Variants in CC2D2A observed in about 807,000 individuals in gnomAD.
CC2D2A encodes the protein coiled-coil and C2 domain-containing protein 2A.
Under a neutral mutation model 212.9 loss-of-function variants are expected in CC2D2A, and 155 were observed. The observed-to-expected ratio is 0.73, with a 90% confidence interval of 0.64 to 0.83. The LOEUF is 0.83. Ranked by LOEUF, CC2D2A falls within the 40% of genes least tolerant of loss-of-function variation. CC2D2A has a pLI of 0.00. For missense variants in CC2D2A, 1,856 were observed against 1,956.2 expected (o/e 0.95, Z 0.97); for synonymous variants, 667 against 686.5 (o/e 0.97, Z 0.44).
chr4:15,554,570 G>A (rs568834331), intron 19 of CC2D2A, among the ~76,000 whole-genome samples: 6 of 152,230 alleles, frequency 3.9e-5, no homozygotes, highest in Non-Finnish European at 8.8e-5. Flanking sequence ...CAGCTACTTG[G>A]GTGGCTCAGG....
intron 16 of CC2D2A, among the ~76,000 whole-genome samples, chr4:15,540,133 C>A (rs867823897): frequency 4.6e-5 from 7 of 152,040 alleles, no homozygotes; most frequent in Admixed American, 1.3e-4. Context: ...CCACCCCTCC[C>A]CCAAAAAAAA....
At chr4:15,483,829 TAA>T (rs1201224943) in intron 4 of CC2D2A, among the ~76,000 whole-genome samples, 1 of 152,190 alleles carries the variant, frequency 6.6e-6, no homozygotes, top group East Asian at 1.9e-4. Flanking sequence ...GTTCCCACTT[TAA>T]GAGAGTTCTC....
chr4:15,504,871 G>T (rs373439220), intron 6 of CC2D2A, among the ~76,000 whole-genome samples: 15 of 152,194 alleles, frequency 9.9e-5, no homozygotes, highest in African/African-American at 3.4e-4. Context: ...CTAAAAAATC[G>T]TTCAATATAC....
intron 4 of CC2D2A, among the ~76,000 whole-genome samples, chr4:15,489,276 G>T (rs1360190991): frequency 6.6e-6 from 1 of 152,126 alleles, no homozygotes; most frequent in Non-Finnish European, 1.5e-5. Flanking sequence ...GGGGTGGGAG[G>T]GGAATGTTAT....
intron 16 of CC2D2A, 116 bp from the exon 17 acceptor site, chr4:15,540,721 T>G: frequency 2.2e-6 from 2 of 907,364 alleles, no homozygotes; most frequent in Non-Finnish European, 1.7e-6. Context: ...AGGGCTGACA[T>G]GATTGGGAGA....
intron 17 of CC2D2A, among the ~76,000 whole-genome samples, chr4:15,542,653 A>G (rs1560174133): frequency 2.6e-5 from 4 of 152,168 alleles, no homozygotes; most frequent in Admixed American, 1.3e-4. Context: ...TGACTGATAA[A>G]TAGCTGCTGC....
At chr4:15,472,477 C>T (rs753211212) in intron 1 of CC2D2A, among the ~76,000 whole-genome samples, 6 of 151,950 alleles carry the variant, frequency 3.9e-5, no homozygotes, top group East Asian at 3.9e-4. Flanking sequence ...AAATAAATTT[C>T]GGTGTCATTT....
In CC2D2A at chr4:15,589,551, A is replaced by G. The variant is rs759303901; in HGVS notation, c.4186A>G (p.Thr1396Ala). The G allele has an allele frequency of 2.0e-5, 32 of 1,611,894 alleles. No individual in the cohort carries two copies. The East Asian group carries it at 3.1e-4, about 16-fold the overall frequency. The change falls in exon 33 of 37, where the codon ACT becomes GCT. Residue 1396 changes from threonine to alanine, a missense_variant. This residue lies in a region of CC2D2A where 285 missense variants were observed against 278.4 expected (regional missense o/e 1.02). Coordinates refer to ENST00000424120, the MANE Select transcript of CC2D2A (RefSeq NM_001378615.1). ...AATGGCCATCTTCTTTCAGGGTCCA[A>G]CTGCCTATGTGCTAACTTGGGAGCA... ...LMGNAIPEGP[T>A]AYVLTWEQGR... is the part of the protein sequence containing the mutation.
chr4:15,500,099 G>GTATATA (rs71179633), intron 4 of CC2D2A, among the ~76,000 whole-genome samples: 1,614 of 68,762 alleles, frequency 0.023, 18 homozygotes, highest in Non-Finnish European at 0.04. Context: ...GTGTGTGTGT[G>GTATATA]TGTGTGTGTA....
chr4:15,547,136 T>C (rs1718753630), intron 17 of CC2D2A, among the ~76,000 whole-genome samples: 1 of 152,232 alleles, frequency 6.6e-6, no homozygotes, highest in African/African-American at 2.4e-5. Flanking sequence ...TTGTGATTCT[T>C]TTCTTTTGTA....
chr4:15,596,503 A>C (rs1490271852), intron 34 of CC2D2A, among the ~76,000 whole-genome samples: 1 of 152,186 alleles, frequency 6.6e-6, no homozygotes, highest in Non-Finnish European at 1.5e-5. Flanking sequence ...CAATTCACTA[A>C]ATAGATTTCA....
chr4:15,478,590 A>C, intron 2 of CC2D2A, 133 bp from the exon 3 acceptor site: 1 of 652,720 alleles, frequency 1.5e-6, no homozygotes, highest in Non-Finnish European at 2.7e-6. Flanking sequence ...ACAGATTGTT[A>C]ACTGTCCCCC....
chr4:15,593,257 T>G (rs1275879642), intron 33 of CC2D2A, among the ~76,000 whole-genome samples: 1 of 152,214 alleles, frequency 6.6e-6, no homozygotes. Flanking sequence ...GAACATTCCC[T>G]ACTCTATAGC....
chr4:15,502,387 CTTTTT>C (rs772212632), intron 4 of CC2D2A, 37 bp from the exon 5 acceptor site: 5 of 1,259,616 alleles, frequency 4.0e-6, no homozygotes, highest in African/African-American at 1.6e-5. Context: ...TTTTCTTTTT[CTTTTT>C]TTTTTATTTT....
chr4:15,506,377 A>G (rs1439852986), intron 6 of CC2D2A, among the ~76,000 whole-genome samples: 1 of 152,202 alleles, frequency 6.6e-6, no homozygotes, highest in Non-Finnish European at 1.5e-5. Context: ...ATCTGAGCAT[A>G]TTTTCTATAC....
At chr4:15,510,023 G>C (rs1295615376) in intron 6 of CC2D2A, 116 bp from the exon 7 acceptor site, 7 of 749,236 alleles carry the variant, frequency 9.3e-6, no homozygotes, top group African/African-American at 1.8e-5. Flanking sequence ...GGAATGATAA[G>C]ATGCAGCAGC....
At chr4:15,497,119 A>G (rs1715662397) in intron 4 of CC2D2A, among the ~76,000 whole-genome samples, 1 of 152,242 alleles carries the variant, frequency 6.6e-6, no homozygotes, top group Non-Finnish European at 1.5e-5. Context: ...ATCCTAAGCA[A>G]AAAGAAGAAA....
intron 27 of CC2D2A, among the ~76,000 whole-genome samples, chr4:15,569,600 G>A (rs535882450): frequency 3.2e-4 from 48 of 152,312 alleles, no homozygotes; most frequent in African/African-American, 1.2e-3. Flanking sequence ...CTACTCCATA[G>A]ACAGAATAGG....
At chr4:15,559,375 T>C in intron 22 of CC2D2A, 118 bp downstream of exon 22, 1 of 637,318 alleles carries the variant, frequency 1.6e-6, no homozygotes, top group South Asian at 2.0e-5. Context: ...TTAGCTTGCA[T>C]AAATTTCCTC....
Sources: gnomAD v4.1 joint callset for allele counts (sites outside exome capture counted in the v4.1 genomes callset) on GRCh38, gnomAD v4.1.1 for gene constraint, gnomAD v4.1.1 regional missense constraint, MANE v1.5 for transcripts, NCBI Gene and HGNC (gene_info 2026-07-23, HGNC 2026-07-21) for gene names.